SEL1L2: variants seen among roughly 807,000 people sequenced by gnomAD.
SEL1L2 encodes protein sel-1 homolog 2.
In SEL1L2, 89 loss-of-function variants were observed where a neutral mutation model predicts 98.8. The ratio of observed to expected loss-of-function variants is 0.90; its 90% CI spans 0.76 to 1.07. The LOEUF is 1.07. Ranked by LOEUF, SEL1L2 falls within the 50% of genes least tolerant of loss-of-function variation. SEL1L2 has a pLI of 0.00. For missense variants in SEL1L2, 788 were observed against 812.0 expected (o/e 0.97, Z 0.36); for synonymous variants, 262 against 278.5 (o/e 0.94, Z 0.59).
intron 10 of SEL1L2, among the ~76,000 whole-genome samples, chr20:13,879,156 C>T (rs978911356): frequency 6.6e-6 from 1 of 152,104 alleles, no homozygotes; most frequent in Non-Finnish European, 1.5e-5. Flanking sequence ...AAGATGGTGA[C>T]AAGTCACCAG....
At chr20:13,866,985 A>G (rs537310904) in intron 14 of SEL1L2, 135 bp from the exon 15 acceptor site, 1 of 810,972 alleles carries the variant, frequency 1.2e-6, no homozygotes, top group African/African-American at 1.8e-5. Flanking sequence ...AAGCTACTCT[A>G]AATCCACTAT....
At chr20:13,884,655 G>A (rs760664976) in intron 10 of SEL1L2, among the ~76,000 whole-genome samples, 1 of 151,846 alleles carries the variant, frequency 6.6e-6, no homozygotes, top group African/African-American at 2.4e-5. Flanking sequence ...TTACAGGCAC[G>A]TGCCACCACG....
chr20:13,895,186 T>C (rs186813234), intron 5 of SEL1L2, among the ~76,000 whole-genome samples: 17 of 152,346 alleles, frequency 1.1e-4, no homozygotes, highest in Admixed American at 7.2e-4. Flanking sequence ...CTCATGCCTG[T>C]AATCCCAGCA....
chr20:13,933,068 G>C (rs2049226393), intron 2 of SEL1L2, among the ~76,000 whole-genome samples: 1 of 152,048 alleles, frequency 6.6e-6, no homozygotes, highest in Admixed American at 6.6e-5. Flanking sequence ...AAATTCGCCA[G>C]GCCTGGTGGT....
chr20:13,970,343 A>C (rs1007884078), intron 1 of SEL1L2, among the ~76,000 whole-genome samples: 2 of 152,204 alleles, frequency 1.3e-5, no homozygotes, highest in African/African-American at 4.8e-5. Context: ...TTGCCATGAC[A>C]AACAATACTG....
intron 2 of SEL1L2, among the ~76,000 whole-genome samples, chr20:13,940,088 C>T (rs951946892): frequency 9.2e-5 from 14 of 152,208 alleles, no homozygotes; most frequent in Non-Finnish European, 1.6e-4. Flanking sequence ...ATTTTCTGAT[C>T]ATATGGAGCT....
At chr20:13,949,084 G>C (rs1167011545) in intron 2 of SEL1L2, among the ~76,000 whole-genome samples, 1 of 152,072 alleles carries the variant, frequency 6.6e-6, no homozygotes, top group Non-Finnish European at 1.5e-5. Context: ...TGTATGAAAC[G>C]ATACTATCCA....
At chr20:13,984,188 ATT>A (rs1391385445) in intron 1 of SEL1L2, among the ~76,000 whole-genome samples, 1 of 150,868 alleles carries the variant, frequency 6.6e-6, no homozygotes, top group East Asian at 2.0e-4. Flanking sequence ...ATTTTTGTAT[ATT>A]TAGTAGACAT....
At chr20:13,925,322 GA>G (rs764875534) in intron 3 of SEL1L2, among the ~76,000 whole-genome samples, 11 of 152,144 alleles carry the variant, frequency 7.2e-5, no homozygotes, top group Non-Finnish European at 1.3e-4. Context: ...ATTGACTGAG[GA>G]AAAATTTTAT....
At chr20:13,988,646 A>AT (rs929399363) in intron 1 of SEL1L2, among the ~76,000 whole-genome samples, 18 of 152,126 alleles carry the variant, frequency 1.2e-4, no homozygotes, top group African/African-American at 3.9e-4. Flanking sequence ...TTTCAGGAAC[A>AT]TTTTTTTCCA....
rs147186660 is a variant in SEL1L2, at chr20:13,978,990, G to A, written c.58+11487C>T. 5.5e-3 allele frequency among the ~76,000 whole-genome samples: 838 copies of A among 152,258 alleles called. 3 individuals are homozygous for A. The highest frequency in any genetic ancestry group is 0.023 in the South Asian group (111 of 4,822). ...CACAAGAATCGCTTGAAACCAGAAG[G>A]TGGAGGTTGCAATGAGCTGCGATCA... is the stretch of plus-strand genomic sequence containing the variant. On this transcript the variant is annotated intron_variant, in intron 1 of 19. Transcript: ENST00000284951.
intron 18 of SEL1L2, among the ~76,000 whole-genome samples, chr20:13,853,866 C>T (rs1015521673): frequency 8.5e-5 from 13 of 152,258 alleles, no homozygotes; most frequent in East Asian, 3.9e-4. Flanking sequence ...GGAGCATTCT[C>T]GTTACTTGTA....
chr20:13,882,223 T>C (rs1166641915), intron 10 of SEL1L2, among the ~76,000 whole-genome samples: 1 of 152,208 alleles, frequency 6.6e-6, no homozygotes, highest in Non-Finnish European at 1.5e-5. Flanking sequence ...TTTTGGAAAC[T>C]GGATTTATCT....
chr20:13,945,458 T>A (rs560639052), intron 2 of SEL1L2, among the ~76,000 whole-genome samples: 1 of 151,590 alleles, frequency 6.6e-6, no homozygotes, highest in African/African-American at 2.4e-5. Flanking sequence ...TTTACATTAT[T>A]ACACACTATG....
chr20:13,994,023 A>G (rs990443127), upstream of SEL1L2, among the ~76,000 whole-genome samples: 3 of 152,194 alleles, frequency 2.0e-5, no homozygotes, highest in African/African-American at 7.2e-5. Context: ...CATTAAAAGA[A>G]AAACAGGCTG....
chr20:13,875,180 G>C (rs2046378268), intron 12 of SEL1L2, among the ~76,000 whole-genome samples: 1 of 152,214 alleles, frequency 6.6e-6, no homozygotes, highest in Admixed American at 6.5e-5. Flanking sequence ...CTTACTGTGT[G>C]CCAGGCACTG....
chr20:13,886,615 C>T (rs116577133), intron 8 of SEL1L2, among the ~76,000 whole-genome samples, 173 bp from the exon 9 acceptor site: 4,854 of 152,124 alleles, frequency 0.032, 99 homozygotes, highest in African/African-American at 0.045. Context: ...TGGCCAGGTG[C>T]GGTTGCTCAT....
intron 10 of SEL1L2, among the ~76,000 whole-genome samples, chr20:13,884,185 C>T (rs182840299): frequency 1.2e-4 from 19 of 152,192 alleles, no homozygotes; most frequent in African/African-American, 3.6e-4. Flanking sequence ...TACTTTTTTA[C>T]GTAATAGCCT....
At chr20:13,882,933 C>T (rs2147957483) in intron 10 of SEL1L2, among the ~76,000 whole-genome samples, 1 of 150,466 alleles carries the variant, frequency 6.6e-6, no homozygotes, top group African/African-American at 2.4e-5. Context: ...TCTCCTGCCT[C>T]AGCCTCCCAA....
Sources: gnomAD v4.1 joint callset for allele counts (sites outside exome capture counted in the v4.1 genomes callset) on GRCh38, gnomAD v4.1.1 for gene constraint, MANE v1.5 for transcripts, NCBI Gene and HGNC (gene_info 2026-07-23, HGNC 2026-07-21) for gene names.